The following ACSL6 variants were observed in gnomAD, a reference collection of about 807,000 sequenced individuals.
ACSL6 encodes the protein acyl-CoA synthetase long chain family member 6, also known as long-chain-fatty-acid--CoA ligase 6.
A neutral mutation model predicts 98.2 loss-of-function variants in ACSL6; 47 were observed. The ratio of observed to expected loss-of-function variants is 0.48; its 90% CI spans 0.38 to 0.61. The LOEUF (loss-of-function observed/expected upper bound fraction) is 0.61, where lower values mean the gene tolerates loss of function less well. Among genes scored for constraint, ACSL6 ranks in the 20% least tolerant of loss-of-function variants. The probability of loss-of-function intolerance (pLI) is 0.00; values close to 1 mark genes in which losing one functional copy is unlikely to be tolerated. For synonymous variants in ACSL6, 362 were observed against 336.9 expected, an observed-to-expected ratio of 1.07 and a Z score of -0.82; for missense variants, 761 against 913.4, an observed-to-expected ratio of 0.83 and a Z score of 2.15.
At chr5:131,987,967 G>A (rs1464451128) in intron 7 of ACSL6, 81 bp downstream of exon 7, 2 of 1,557,888 alleles carry the variant, frequency 1.3e-6, no homozygotes, top group Admixed American at 1.8e-5. Flanking sequence ...CCCAGGGCAT[G>A]AGAGGGACAG....
rs199923971 is a variant in ACSL6, at chr5:131,994,127, C to A, written c.174G>T (p.Met58Ile). 8.7e-6 allele frequency: 14 copies of A among 1,614,228 alleles called. No individual in the cohort carries two copies. The highest frequency in any genetic ancestry group is 1.7e-5 in the Admixed American group (1 of 60,034). ...RSLSATTLVSMGALAAILAYW... is the reference protein window; with the variant it reads ...RSLSATTLVSIGALAAILAYW... Reference sequence around the variant, plus strand: ...AGGCAAGGATGGCAGCCAGGGCACCCATACTCACGAGGGTGGTGGCCGAGA... The same window carrying A: ...AGGCAAGGATGGCAGCCAGGGCACCAATACTCACGAGGGTGGTGGCCGAGA... The change falls in exon 2 of 21, where the codon ATG (methionine) becomes ATT (isoleucine). Residue 58 changes from methionine (M) to isoleucine (I), a missense_variant. Transcript: ENST00000651883.
At chr5:131,966,714 T>G (rs1021891176) in intron 16 of ACSL6, among the ~76,000 whole-genome samples, 182 bp from the exon 17 acceptor site, 3 of 152,210 alleles carry the variant, frequency 2.0e-5, no homozygotes, top group Admixed American at 2.0e-4. Context: ...TCCTGCCTTC[T>G]GTCAAGCAAC....
At chr5:132,011,910 G>A (rs374371491), upstream of ACSL6, 270 of 1,557,182 alleles carry the variant, frequency 1.7e-4, no homozygotes, top group African/African-American at 2.2e-3. The surrounding 1 kb of genome is among the most constrained non-coding windows in gnomAD (Gnocchi z 5.4). Flanking sequence ...TCCAACGTCA[G>A]TACCTGGCAT....
At chr5:131,978,972 T>C (rs928738945) in intron 9 of ACSL6, among the ~76,000 whole-genome samples, 3 of 152,210 alleles carry the variant, frequency 2.0e-5, no homozygotes, top group Non-Finnish European at 2.9e-5. Flanking sequence ...CAGAGGTGAT[T>C]CTGGGGACAC....
intron 1 of ACSL6, among the ~76,000 whole-genome samples, chr5:131,995,785 C>A (rs1399706057): frequency 6.6e-6 from 1 of 152,214 alleles, no homozygotes; most frequent in African/African-American, 2.4e-5. Flanking sequence ...ATGAGCAATG[C>A]AAGGTTGAGC....
chr5:132,002,523 G>A (rs1755144106), intron 1 of ACSL6, among the ~76,000 whole-genome samples: 1 of 152,110 alleles, frequency 6.6e-6, no homozygotes, highest in Non-Finnish European at 1.5e-5. Flanking sequence ...CACTGAGGTG[G>A]GGGGAGCAAC....
At chr5:131,993,901 C>A in intron 2 of ACSL6, 130 bp downstream of exon 2, 1 of 943,674 alleles carries the variant, frequency 1.1e-6, no homozygotes, top group South Asian at 1.7e-5. Context: ...AGCTAAGTGG[C>A]TGACTGCCAG....
At chr5:132,006,903 G>A (rs1755439612) in intron 1 of ACSL6, 1 of 151,844 alleles carries the variant, frequency 6.6e-6, no homozygotes, top group African/African-American at 2.4e-5. Flanking sequence ...CTAACATATT[G>A]GCATCATCCC....
At chr5:131,993,990 C>T (rs1232946378) in intron 2 of ACSL6, 41 bp downstream of exon 2, 1 of 1,595,970 alleles carries the variant, frequency 6.3e-7, no homozygotes, top group South Asian at 1.1e-5. Context: ...CTGTCCTCTG[C>T]CCCCTACTTT....
intron 1 of ACSL6, among the ~76,000 whole-genome samples, chr5:132,000,556 CATGGCTAACAT>C (rs1755032404): frequency 6.6e-6 from 1 of 152,048 alleles, no homozygotes; most frequent in Non-Finnish European, 1.5e-5. Flanking sequence ...CTACTATTTC[CATGGCTAACAT>C]GTGGCTGAGC....
chr5:132,011,693 C>T, upstream of ACSL6: 1 of 1,269,782 alleles, frequency 7.9e-7, no homozygotes. This position sits in a 1 kb window ranked among gnomAD's most constrained non-coding sequence, Gnocchi z 5.4. Context: ...TCCGGCCCCG[C>T]AGCTCCCGCC....
chr5:131,986,184 T>A (rs896294402), intron 8 of ACSL6, among the ~76,000 whole-genome samples: 1 of 151,946 alleles, frequency 6.6e-6, no homozygotes, highest in Non-Finnish European at 1.5e-5. Context: ...AACTGAGCCG[T>A]GATGTGTAGG....
At chr5:131,962,349 A>G (rs1381987428) in intron 18 of ACSL6, among the ~76,000 whole-genome samples, 186 bp downstream of exon 18, 6 of 152,264 alleles carry the variant, frequency 3.9e-5, no homozygotes, top group Admixed American at 1.3e-4. Context: ...GTACTACTTC[A>G]GACAATTTAC....
At chr5:131,975,745 A>G in intron 10 of ACSL6, 1 of 985,426 alleles carries the variant, frequency 1.0e-6, no homozygotes. Flanking sequence ...AGCCCTGCAC[A>G]AGGCTTGGGA....
rs187669162 is a variant in ACSL6 at position 132,003,146 on chromosome 5, G to A, written c.49+8359C>T. Among the ~76,000 whole-genome samples, 8 of 152,316 alleles carry A rather than the reference G, an allele frequency of 5.3e-5. No individual in the cohort carries two copies. In the East Asian group the frequency reaches 1.5e-3, roughly 29 times the overall value. On this transcript the variant is annotated intron_variant, in intron 1 of 20. Transcript: ENST00000651883. ...CATTTTCTGGCAAATTTGGTAAATA[G>A]CTGAATATTCTGGCATCCCCATAGT...
intron 1 of ACSL6, among the ~76,000 whole-genome samples, chr5:132,004,357 C>T (rs1044623732): frequency 4.6e-5 from 7 of 152,102 alleles, no homozygotes; most frequent in African/African-American, 1.7e-4. Context: ...ACTCCCACTA[C>T]CAGGAGAAAT....
intron 9 of ACSL6, chr5:131,983,502 G>A (rs1268256365): frequency 6.6e-6 from 1 of 152,226 alleles, no homozygotes; most frequent in Non-Finnish European, 1.5e-5. Context: ...CCCTTGATGA[G>A]GCTGGGAGCC....
At chr5:131,957,473 A>C (rs891721508) in intron 20 of ACSL6, among the ~76,000 whole-genome samples, 6 of 152,232 alleles carry the variant, frequency 3.9e-5, no homozygotes, top group Admixed American at 6.5e-5. Context: ...AAAGATCTCC[A>C]TAAATTAATA....
chr5:131,993,778 A>C (rs1372384265), intron 2 of ACSL6: 7 of 501,118 alleles, frequency 1.4e-5, no homozygotes, highest in Non-Finnish European at 2.2e-5. Flanking sequence ...CTACCCGAGA[A>C]GCAGGCAAAC....
Sources: gnomAD v4.1 joint callset for allele counts (sites outside exome capture counted in the v4.1 genomes callset) on GRCh38, gnomAD v4.1.1 for gene constraint, Gnocchi (gnomAD v3.1) non-coding constraint, MANE v1.5 for transcripts, NCBI Gene and HGNC (gene_info 2026-07-23, HGNC 2026-07-21) for gene names.